Variants in GTF2IRD1 observed in about 807,000 individuals in gnomAD.
GTF2IRD1 encodes general transcription factor II-I repeat domain-containing protein 1.
A neutral mutation model predicts 113.2 loss-of-function variants in GTF2IRD1; 26 were observed. That is an observed-to-expected ratio of 0.23 (90% CI 0.17 to 0.32). The LOEUF is 0.32. GTF2IRD1 is among the 10% of genes least tolerant of loss of function. GTF2IRD1 has a pLI of 1.00. For synonymous variants in GTF2IRD1, 484 were observed against 529.1 expected (o/e 0.91, Z 1.17); for missense variants, 864 against 1,280.8 (o/e 0.67, Z 4.97).
chr7:74,501,304 G>A (rs1407044681), intron 1 of GTF2IRD1, among the ~76,000 whole-genome samples: 2 of 152,236 alleles, frequency 1.3e-5, no homozygotes, highest in Non-Finnish European at 2.9e-5. Context: ...CCCGGATTTA[G>A]TTGGTATGAC....
intron 9 of GTF2IRD1, among the ~76,000 whole-genome samples, 174 bp from the exon 10 acceptor site, chr7:74,534,939 C>T (rs782528019): frequency 2.0e-5 from 3 of 152,104 alleles, no homozygotes; most frequent in Non-Finnish European, 4.4e-5. Flanking sequence ...TTGGGATGTT[C>T]TGAGGTTCCA....
chr7:74,494,735 CAAAA>C (rs1186878311), intron 1 of GTF2IRD1, among the ~76,000 whole-genome samples: 1 of 151,544 alleles, frequency 6.6e-6, no homozygotes, highest in Non-Finnish European at 1.5e-5. Context: ...TTAAAAAAAA[CAAAA>C]AACCAAAAAA....
At chr7:74,538,956 A>T (rs1421507603) in intron 13 of GTF2IRD1, among the ~76,000 whole-genome samples, 196 bp downstream of exon 13, 1 of 152,034 alleles carries the variant, frequency 6.6e-6, no homozygotes, top group Non-Finnish European at 1.5e-5. Flanking sequence ...CTCAGCTCTG[A>T]CCTTCCAGAA....
intron 13 of GTF2IRD1, among the ~76,000 whole-genome samples, 200 bp from the exon 14 acceptor site, chr7:74,539,679 G>T (rs1211318366): frequency 5.3e-5 from 8 of 152,056 alleles, no homozygotes; most frequent in African/African-American, 1.9e-4. Context: ...GGGAGGCGGA[G>T]GTTACAGTGA....
At chr7:74,592,641 TCTC>T (rs1316235452) in intron 24 of GTF2IRD1, among the ~76,000 whole-genome samples, 10 of 150,538 alleles carry the variant, frequency 6.6e-5, no homozygotes, top group African/African-American at 2.2e-4. Context: ...TTCAAGCAAT[TCTC>T]CTGCCTCACC....
At chr7:74,528,019 C>T (rs587663484) in intron 8 of GTF2IRD1, among the ~76,000 whole-genome samples, 2 of 152,130 alleles carry the variant, frequency 1.3e-5, no homozygotes, top group South Asian at 2.1e-4. Flanking sequence ...TTGTTTATGG[C>T]GCTGGTGAAT....
intron 1 of GTF2IRD1, among the ~76,000 whole-genome samples, chr7:74,477,871 G>T (rs1554333831): frequency 6.6e-6 from 1 of 152,174 alleles, no homozygotes; most frequent in Non-Finnish European, 1.5e-5. Context: ...AAGGCCTGAT[G>T]TTCCTCATCC....
chr7:74,492,810 G>C (rs1374245325), intron 1 of GTF2IRD1, among the ~76,000 whole-genome samples: 1 of 151,838 alleles, frequency 6.6e-6, no homozygotes, highest in Non-Finnish European at 1.5e-5. Context: ...GCTCCTGGGG[G>C]CTGCCAGCAC....
At chr7:74,578,514 A>C (rs1801215737) in intron 22 of GTF2IRD1, among the ~76,000 whole-genome samples, 1 of 152,332 alleles carries the variant, frequency 6.6e-6, no homozygotes, top group East Asian at 1.9e-4. Context: ...GTTATTGAAT[A>C]GAGTCTGGGA....
intron 22 of GTF2IRD1, among the ~76,000 whole-genome samples, chr7:74,572,842 C>T (rs1800774408): frequency 6.6e-6 from 1 of 152,174 alleles, no homozygotes; most frequent in African/African-American, 2.4e-5. Flanking sequence ...GTAATGATCT[C>T]CCTTCTGCCT....
At chr7:74,566,011 A>ACACACAC (rs1800288338) in intron 22 of GTF2IRD1, among the ~76,000 whole-genome samples, 1 of 140,848 alleles carries the variant, frequency 7.1e-6, no homozygotes, top group Admixed American at 6.9e-5. Flanking sequence ...ACACAAACAC[A>ACACACAC]CACACACACA....
At chr7:74,471,734 C>T (rs1389204182) in intron 1 of GTF2IRD1, among the ~76,000 whole-genome samples, 2 of 149,028 alleles carry the variant, frequency 1.3e-5, no homozygotes, top group African/African-American at 5.0e-5. Flanking sequence ...TGGCTGACGT[C>T]TGTAATCCCA....
intron 14 of GTF2IRD1, among the ~76,000 whole-genome samples, chr7:74,543,257 G>T (rs1400879710): frequency 6.6e-6 from 1 of 152,074 alleles, no homozygotes; most frequent in African/African-American, 2.4e-5. Flanking sequence ...AGCCAAGATC[G>T]CACCATTGCA....
intron 22 of GTF2IRD1, among the ~76,000 whole-genome samples, chr7:74,582,973 C>G (rs1235668239): frequency 2.7e-5 from 4 of 149,394 alleles, no homozygotes; most frequent in Non-Finnish European, 5.9e-5. Flanking sequence ...AAGACCCTGT[C>G]TCTACCAAAA....
At chr7:74,501,644 T>C (rs1479834151) in intron 1 of GTF2IRD1, among the ~76,000 whole-genome samples, 3 of 152,014 alleles carry the variant, frequency 2.0e-5, no homozygotes, top group African/African-American at 7.2e-5. Flanking sequence ...TTTGTTTGTT[T>C]GTTTGTTTTG....
intron 22 of GTF2IRD1, among the ~76,000 whole-genome samples, chr7:74,569,192 G>C (rs587634439): frequency 6.6e-6 from 1 of 152,298 alleles, no homozygotes; most frequent in Non-Finnish European, 1.5e-5. Flanking sequence ...TGTTCCCTAG[G>C]CCAGGGGCCA....
intron 20 of GTF2IRD1, 89 bp downstream of exon 20, chr7:74,557,811 T>C: frequency 1.3e-6 from 1 of 781,972 alleles, no homozygotes; most frequent in Non-Finnish European, 2.2e-6. Context: ...AGGGCATTTC[T>C]GGGGAAACAA....
rs56797334 is a variant in GTF2IRD1 at position 74,602,591 on chromosome 7, GAAAA to G, written c.*169_*172del. 8 of 371,994 alleles carry G rather than the reference GAAAA, an allele frequency of 2.2e-5. No individual in the cohort carries two copies. The highest frequency in any genetic ancestry group is 5.1e-5 in the South Asian group (1 of 19,570). The allele number at this position is 371,994 out of a possible 1,614,324, so 23.0% of individuals were successfully genotyped here. ...AGGCCTTTTTAAATAAGTAAAAAAA[GAAAA>G]AAAAAAAAAAGAGTGTTGCCTTTAC... On this transcript the variant is annotated 3_prime_UTR_variant, in exon 27 of 27. Transcript: ENST00000424337.
At chr7:74,532,136 C>T (rs1205960972) in intron 9 of GTF2IRD1, among the ~76,000 whole-genome samples, 5 of 152,266 alleles carry the variant, frequency 3.3e-5, no homozygotes, top group Admixed American at 6.5e-5. Flanking sequence ...GGGCATCTGA[C>T]CGCTCCCTGA....
Sources: allele counts gnomAD v4.1 joint callset (sites outside exome capture counted in the v4.1 genomes callset), GRCh38; gene constraint gnomAD v4.1.1; transcripts MANE v1.5; gene names NCBI Gene and HGNC (gene_info 2026-07-23, HGNC 2026-07-21).